Variants in DOCK3 observed in about 807,000 individuals in gnomAD.
The protein encoded by DOCK3 is dedicator of cytokinesis protein 3.
In DOCK3, 60 loss-of-function variants were observed where a neutral mutation model predicts 265.6. The observed-to-expected ratio is 0.23, with a 90% CI of 0.18 to 0.28. The LOEUF (loss-of-function observed/expected upper bound fraction) is 0.28. Among genes scored for constraint, DOCK3 ranks in the 10% least tolerant of loss-of-function variants. DOCK3 has a pLI of 1.00. For missense variants in DOCK3, 1,981 were observed against 2,594.3 expected (o/e 0.76, Z 5.14); for synonymous variants, 881 against 938.0 (o/e 0.94, Z 1.11).
At chr3:51,039,008 A>T (rs1013952894) in intron 5 of DOCK3, among the ~76,000 whole-genome samples, 1 of 151,354 alleles carries the variant, frequency 6.6e-6, no homozygotes, top group Non-Finnish European at 1.5e-5. Context: ...TATTATTATT[A>T]TTTTTGAGAT....
At chr3:51,257,181 C>G (rs2079594000) in intron 22 of DOCK3, among the ~76,000 whole-genome samples, 1 of 152,196 alleles carries the variant, frequency 6.6e-6, no homozygotes, top group African/African-American at 2.4e-5. Flanking sequence ...TGTAATACGT[C>G]CAACACTAAG....
chr3:51,064,946 A>C (rs1344424018), intron 6 of DOCK3, among the ~76,000 whole-genome samples: 2 of 152,204 alleles, frequency 1.3e-5, no homozygotes, highest in Non-Finnish European at 2.9e-5. Context: ...GCTTTCTTCA[A>C]ATGTGAATTT....
chr3:50,921,642 A>C lies in DOCK3; in HGVS notation c.219-12339A>C, dbSNP rs1223869132. ...GTGGAGAAGAGGTGCTCTGATTTTTAGAATTTTCAGCTTTTCTGCTCTGGT... is the reference window on the plus strand; with the variant it reads ...GTGGAGAAGAGGTGCTCTGATTTTTCGAATTTTCAGCTTTTCTGCTCTGGT... On this transcript the variant is annotated intron_variant, in intron 4 of 52. Transcript: ENST00000266037. Among the ~76,000 whole-genome samples, 9 of 151,848 alleles carry C rather than the reference A, an allele frequency of 5.9e-5. No individual in the cohort carries two copies. The East Asian group carries it at 1.7e-3, about 29-fold the overall frequency.
rs1369773491 is a variant in DOCK3 at position 51,381,842 on chromosome 3, G to A, written c.*283G>A. The A allele has an allele frequency of 1.1e-5, 4 of 356,798 alleles. No individual in the cohort carries two copies. Among genetic ancestry groups the A allele is most frequent in the South Asian group, 6.5e-5 (1 of 15,334 alleles). 22.1% of individuals were successfully genotyped at this position (356,798 alleles called of 1,614,324 possible). ...ATGCAGTAGATGCTTTCTTCCTCCT[G>A]CAGTTCTGGACCATGTGGAGCTACA... On this transcript the variant is annotated 3_prime_UTR_variant, in exon 53 of 53. Transcript: ENST00000266037. The surrounding 1 kb of genome is among the most constrained non-coding windows in gnomAD (Gnocchi z 5.6).
At chr3:51,035,538 A>G (rs2080232792) in intron 5 of DOCK3, among the ~76,000 whole-genome samples, 1 of 152,180 alleles carries the variant, frequency 6.6e-6, no homozygotes, top group Non-Finnish European at 1.5e-5. Context: ...TTTGTCTGAT[A>G]ATTCCAACAT....
intron 5 of DOCK3, among the ~76,000 whole-genome samples, chr3:51,035,600 G>A (rs2080236251): frequency 1.3e-5 from 2 of 152,062 alleles, no homozygotes; most frequent in African/African-American, 4.8e-5. Context: ...CTGAGTCTGG[G>A]TAAGCTTTTC....
intron 5 of DOCK3, among the ~76,000 whole-genome samples, chr3:50,938,358 C>T (rs1242537736): frequency 2.0e-5 from 3 of 151,958 alleles, no homozygotes; most frequent in East Asian, 1.9e-4. Context: ...CTTAGTAATC[C>T]GTATAACCAC....
At chr3:51,377,113 A>G (rs751455874) in intron 51 of DOCK3, among the ~76,000 whole-genome samples, 11 of 152,272 alleles carry the variant, frequency 7.2e-5, no homozygotes, top group East Asian at 3.9e-4. Context: ...CCCTACCCCA[A>G]CCAGACACAT....
intron 5 of DOCK3, among the ~76,000 whole-genome samples, chr3:51,042,831 C>G (rs2080591229): frequency 6.6e-6 from 1 of 152,132 alleles, no homozygotes; most frequent in African/African-American, 2.4e-5. Flanking sequence ...CATGAACAAA[C>G]TCTCCTTCAC....
chr3:51,320,587 C>T (rs1232100670), intron 32 of DOCK3, among the ~76,000 whole-genome samples: 4 of 152,174 alleles, frequency 2.6e-5, no homozygotes, highest in East Asian at 1.9e-4. Context: ...TTGAAATTCT[C>T]ACTGCCAGCA....
intron 1 of DOCK3, among the ~76,000 whole-genome samples, chr3:50,723,452 C>G (rs952515895): frequency 1.3e-5 from 2 of 152,154 alleles, no homozygotes; most frequent in Non-Finnish European, 2.9e-5. Flanking sequence ...GGGGGGATCA[C>G]TTGAGGTCAG....
intron 5 of DOCK3, among the ~76,000 whole-genome samples, chr3:51,010,175 T>A (rs1281269536): frequency 6.6e-6 from 1 of 152,176 alleles, no homozygotes; most frequent in Non-Finnish European, 1.5e-5. Flanking sequence ...GATATCCTTG[T>A]TAATTTTCTG....
In DOCK3 at chr3:50,933,997, G is replaced by A. The variant is rs185424000; in HGVS notation, c.235G>A (p.Val79Ile). Residue 79 changes from valine to isoleucine, a missense_variant, in exon 5 of 53, where the codon GTT (valine) becomes ATT (isoleucine). Coordinates refer to ENST00000266037, the MANE Select transcript of DOCK3 (RefSeq NM_004947.5). ...TGGTTCTAGGCAGTATGAAACTGTGGTTCCACTTGAAGATTCTATTGTGAC... is the reference window on the plus strand; with the variant it reads ...TGGTTCTAGGCAGTATGAAACTGTGATTCCACTTGAAGATTCTATTGTGAC... ...VSNRGQYETV[V>I]PLEDSIVTEV... 10 of 1,605,730 alleles carry A rather than the reference G, an allele frequency of 6.2e-6. No homozygotes were observed. In the Admixed American group the frequency reaches 1.7e-4, roughly 27 times the overall value.
intron 2 of DOCK3, among the ~76,000 whole-genome samples, chr3:50,790,137 G>A (rs1398270475): frequency 6.6e-6 from 1 of 151,970 alleles, no homozygotes; most frequent in Non-Finnish European, 1.5e-5. Flanking sequence ...TGCTTGCTTT[G>A]GGTGTTCATT....
At chr3:51,319,962 T>G (rs1269118126) in intron 32 of DOCK3, among the ~76,000 whole-genome samples, 3 of 151,996 alleles carry the variant, frequency 2.0e-5, no homozygotes, top group Non-Finnish European at 2.9e-5. Flanking sequence ...GAGGAGGCAG[T>G]TTATGTCTTT....
chr3:51,350,267 G>A, intron 39 of DOCK3, 21 bp from the exon 40 acceptor site: 1 of 1,592,338 alleles, frequency 6.3e-7, no homozygotes, highest in Non-Finnish European at 8.5e-7. Context: ...AAGCCAACCT[G>A]AAGACCTTTC....
intron 5 of DOCK3, among the ~76,000 whole-genome samples, chr3:51,061,652 T>G (rs1047531689): frequency 6.6e-6 from 1 of 151,966 alleles, no homozygotes; most frequent in African/African-American, 2.4e-5. Flanking sequence ...ACATGGCAGA[T>G]GTATACATAT....
intron 9 of DOCK3, among the ~76,000 whole-genome samples, chr3:51,134,358 A>G (rs2084700505): frequency 1.3e-5 from 2 of 152,308 alleles, no homozygotes; most frequent in South Asian, 4.1e-4. Flanking sequence ...GGGCTGTATA[A>G]TTACAAAAAT....
intron 49 of DOCK3, among the ~76,000 whole-genome samples, chr3:51,368,534 A>G (rs2087426839): frequency 6.6e-6 from 1 of 152,220 alleles, no homozygotes; most frequent in Non-Finnish European, 1.5e-5. Context: ...CTGAGGCTTG[A>G]GTAGGTAAAC....
Sources: allele counts gnomAD v4.1 joint callset (sites outside exome capture counted in the v4.1 genomes callset), GRCh38; gene constraint gnomAD v4.1.1; non-coding constraint Gnocchi (gnomAD v3.1); transcripts MANE v1.5; gene names NCBI Gene and HGNC (gene_info 2026-07-23, HGNC 2026-07-21).